APBA2: variants seen among roughly 807,000 people sequenced by gnomAD.
The protein encoded by APBA2 is amyloid beta precursor protein binding family A member 2.
APBA2 carries 30 observed loss-of-function variants against 75.0 expected under a neutral mutation model. The ratio of observed to expected loss-of-function variants is 0.40; its 90% CI spans 0.30 to 0.54. The LOEUF is 0.54. APBA2 is among the 20% of genes least tolerant of loss of function. The pLI is 0.49. For synonymous variants in APBA2, 444 were observed against 409.6 expected (o/e 1.08, Z -1.01); for missense variants, 801 against 1,016.1 (o/e 0.79, Z 2.88).
intron 4 of APBA2, among the ~76,000 whole-genome samples, chr15:29,065,693 C>T (rs558803953): frequency 1.3e-5 from 2 of 152,174 alleles, no homozygotes; most frequent in Non-Finnish European, 2.9e-5. Flanking sequence ...GTTGGTCTCT[C>T]TCCAGCTGAG....
At chr15:29,070,803 T>A (rs2042586418) in intron 4 of APBA2, 1 of 287,332 alleles carries the variant, frequency 3.5e-6, no homozygotes, top group African/African-American at 2.2e-5. Flanking sequence ...CTGAGCTGGG[T>A]GGAGGAAGAA....
intron 2 of APBA2, among the ~76,000 whole-genome samples, chr15:28,941,906 G>A (rs141914713): frequency 8.5e-4 from 129 of 151,984 alleles, no homozygotes; most frequent in South Asian, 3.7e-3. Context: ...ACAGGTGCCC[G>A]CCACCACGCC....
chr15:28,894,950 C>A (rs1348483858), intron 1 of APBA2, among the ~76,000 whole-genome samples: 2 of 152,118 alleles, frequency 1.3e-5, no homozygotes, highest in African/African-American at 4.8e-5. Flanking sequence ...GCTCCTGCGT[C>A]ATTGGGGGGC....
intron 4 of APBA2, among the ~76,000 whole-genome samples, chr15:29,063,326 G>T (rs1336712843): frequency 7.2e-6 from 1 of 138,084 alleles, no homozygotes; most frequent in African/African-American, 2.7e-5. Context: ...GCGGGGAGTT[G>T]ATCTGGTCAG....
intron 2 of APBA2, among the ~76,000 whole-genome samples, chr15:28,967,501 C>T (rs1039064538): frequency 6.6e-6 from 1 of 152,104 alleles, no homozygotes; most frequent in Non-Finnish European, 1.5e-5. Context: ...TGCAGTGGCA[C>T]GATCTTGGCC....
chr15:28,914,616 C>CA (rs2033581106), intron 1 of APBA2, among the ~76,000 whole-genome samples: 1 of 152,040 alleles, frequency 6.6e-6, no homozygotes, highest in African/African-American at 2.4e-5. Flanking sequence ...CTGCACAGCC[C>CA]ATAAGGGACT....
chr15:28,965,582 G>T (rs1277091645), intron 2 of APBA2, among the ~76,000 whole-genome samples: 1 of 152,180 alleles, frequency 6.6e-6, no homozygotes, highest in East Asian at 1.9e-4. Flanking sequence ...TTTTAACTAT[G>T]TTGAGCGTTC....
intron 2 of APBA2, among the ~76,000 whole-genome samples, chr15:28,969,486 T>G (rs889499317): frequency 6.6e-6 from 1 of 152,100 alleles, no homozygotes; most frequent in African/African-American, 2.4e-5. Flanking sequence ...GGCCTTAACC[T>G]TTCATTTCAA....
At chr15:29,082,752 A>G (rs1325906434) in intron 6 of APBA2, among the ~76,000 whole-genome samples, 1 of 152,172 alleles carries the variant, frequency 6.6e-6, no homozygotes, top group African/African-American at 2.4e-5. Flanking sequence ...TCACACTCCT[A>G]AGATTATTTT....
intron 4 of APBA2, among the ~76,000 whole-genome samples, chr15:29,059,859 G>A (rs1168861551): frequency 1.3e-5 from 2 of 152,166 alleles, no homozygotes; most frequent in Admixed American, 1.3e-4. Flanking sequence ...TTCCCTTCTT[G>A]GGGGTTTACT....
intron 9 of APBA2, among the ~76,000 whole-genome samples, chr15:29,099,947 C>T (rs1565403): frequency 0.65 from 98,432 of 152,218 alleles, 38,250 homozygotes; most frequent in Non-Finnish European, 0.85. Context: ...GTTCAGGGTT[C>T]ACTCCACTGG....
At chr15:29,039,347 G>A (rs1307345109) in intron 3 of APBA2, among the ~76,000 whole-genome samples, 2 of 151,914 alleles carry the variant, frequency 1.3e-5, no homozygotes, top group African/African-American at 4.9e-5. Context: ...CCTTAACAGC[G>A]TAACTCTCTC....
At chr15:29,065,569 T>G (rs979863489) in intron 4 of APBA2, among the ~76,000 whole-genome samples, 9 of 152,090 alleles carry the variant, frequency 5.9e-5, no homozygotes, top group African/African-American at 1.9e-4. Context: ...AACTCAGACA[T>G]GTGGAGAAAG....
At chr15:29,108,413 GCCA>G (rs1183168419) in intron 13 of APBA2, 24 bp downstream of exon 13, 8 of 1,613,614 alleles carry the variant, frequency 5.0e-6, no homozygotes, top group Non-Finnish European at 5.9e-6. Context: ...CCTGCTCTGG[GCCA>G]CCACCACCAC....
intron 2 of APBA2, among the ~76,000 whole-genome samples, chr15:28,951,962 C>A (rs1281200993): frequency 6.8e-6 from 1 of 146,384 alleles, no homozygotes; most frequent in Non-Finnish European, 1.5e-5. Flanking sequence ...AATCTTGTCT[C>A]ACTGTAATCT....
Position 28,938,903 on chromosome 15 carries a change from T to A in APBA2, c.-95+17154T>A, listed in dbSNP as rs571515383. On this transcript the variant is annotated intron_variant, in intron 2 of 14. Coordinates refer to ENST00000683413, the MANE Select transcript of APBA2 (RefSeq NM_001353788.2). Reference sequence around the variant, plus strand: ...ATCTTAATCATTTTAAGTGTATAGTTCGGTGGAATTAAGTACATCAACATT... The same window carrying A: ...ATCTTAATCATTTTAAGTGTATAGTACGGTGGAATTAAGTACATCAACATT... Among the ~76,000 whole-genome samples, 8 of 152,338 alleles carry A rather than the reference T, an allele frequency of 5.3e-5. No individual in the cohort carries two copies. In the South Asian group the frequency reaches 1.7e-3, roughly 32 times the overall value.
chr15:29,090,327 C>A (rs2043498040), intron 6 of APBA2, among the ~76,000 whole-genome samples: 1 of 152,208 alleles, frequency 6.6e-6, no homozygotes, highest in Non-Finnish European at 1.5e-5. Context: ...GCAGTCTGTG[C>A]CCAGATGGGC....
At chr15:29,069,003 C>T (rs1245103474) in intron 4 of APBA2, among the ~76,000 whole-genome samples, 1 of 152,168 alleles carries the variant, frequency 6.6e-6, no homozygotes. Flanking sequence ...ATTTATTAAG[C>T]AGTCACTCCC....
At chr15:28,980,121 G>A (rs371284456) in intron 2 of APBA2, among the ~76,000 whole-genome samples, 7 of 152,164 alleles carry the variant, frequency 4.6e-5, no homozygotes, top group African/African-American at 9.7e-5. Context: ...AGCACTGGCC[G>A]TGTAGGTTTG....
Sources: allele counts gnomAD v4.1 joint callset (sites outside exome capture counted in the v4.1 genomes callset), GRCh38; gene constraint gnomAD v4.1.1; transcripts MANE v1.5; gene names NCBI Gene and HGNC (gene_info 2026-07-23, HGNC 2026-07-21).